Variants in TBCD observed in about 807,000 individuals in gnomAD.
The protein encoded by TBCD is tubulin-specific chaperone D.
In TBCD, 105 loss-of-function variants were observed where a neutral mutation model predicts 169.3. The ratio of observed to expected loss-of-function variants is 0.62; its 90% CI spans 0.53 to 0.73. TBCD has a LOEUF of 0.73. TBCD is among the 30% of genes least tolerant of loss of function. The pLI is 0.00. For missense variants in TBCD, 1,444 were observed against 1,600.1 expected (o/e 0.90, Z 1.66); for synonymous variants, 700 against 643.9 (o/e 1.09, Z -1.32).
intron 12 of TBCD, 78 bp downstream of exon 12, chr17:82,809,860 G>A (rs1235342481): frequency 1.5e-5 from 20 of 1,365,260 alleles, no homozygotes; most frequent in African/African-American, 2.9e-5. Context: ...ATCCTTTCAC[G>A]CTTGCTTTTC....
chr17:82,887,168 T>TGTGTGTGTGTGC, intron 15 of TBCD, among the ~76,000 whole-genome samples: 215 of 126,178 alleles, frequency 1.7e-3, no homozygotes, highest in African/African-American at 5.7e-3. Flanking sequence ...TGTGTGTGTG[T>TGTGTGTGTGTGC]GCGCGCGCGC....
Position 82,852,197 on chromosome 17 carries a change from A to G in TBCD, c.1319-18027A>G, listed in dbSNP as rs144644568. Among the ~76,000 whole-genome samples the G allele has an allele frequency of 8.2e-3, 1,115 of 136,712 alleles. 4 individuals are homozygous for G. Among genetic ancestry groups the G allele is most frequent in the Non-Finnish European group, 0.013 (819 of 64,686 alleles). 89.7% of individuals were successfully genotyped at this position (136,712 alleles called of 152,430 possible). ...CACCACAGATGGGTTCTCTGTGTCT[A>G]CCCATTCTGGACATTTCCTGTGAAT... On this transcript the variant is annotated intron_variant, in intron 13 of 38. Coordinates refer to ENST00000355528, the MANE Select transcript of TBCD (RefSeq NM_005993.5).
intron 6 of TBCD, among the ~76,000 whole-genome samples, chr17:82,780,264 C>G (rs1443192591): frequency 6.6e-6 from 1 of 152,224 alleles, no homozygotes; most frequent in African/African-American, 2.4e-5. Flanking sequence ...TCCGTCCTCT[C>G]TCTAACGAGG....
chr17:82,854,150 CTTGT>C (rs2056055129), intron 13 of TBCD, among the ~76,000 whole-genome samples: 1 of 152,208 alleles, frequency 6.6e-6, no homozygotes, highest in Non-Finnish European at 1.5e-5. Flanking sequence ...TTTAGTTCTT[CTTGT>C]TTAACATTAG....
intron 1 of TBCD, among the ~76,000 whole-genome samples, chr17:82,753,813 C>T (rs1378636700): frequency 1.3e-5 from 2 of 150,822 alleles, no homozygotes; most frequent in Non-Finnish European, 2.9e-5. Context: ...AGGGGAGTTG[C>T]CATGGAGAAG....
intron 14 of TBCD, among the ~76,000 whole-genome samples, chr17:82,883,856 A>G (rs1268587955): frequency 6.6e-6 from 1 of 152,112 alleles, no homozygotes; most frequent in African/African-American, 2.4e-5. Flanking sequence ...TTCTGCCCCC[A>G]GGCCCTGTCC....
At chr17:82,760,285 A>G (rs997874110) in intron 2 of TBCD, among the ~76,000 whole-genome samples, 5 of 152,194 alleles carry the variant, frequency 3.3e-5, no homozygotes, top group Non-Finnish European at 5.9e-5. Flanking sequence ...GAATTATTTT[A>G]TCACTCTCCA....
At chr17:82,853,330 T>TC (rs754990411) in intron 13 of TBCD, among the ~76,000 whole-genome samples, 10 of 152,088 alleles carry the variant, frequency 6.6e-5, no homozygotes, top group Non-Finnish European at 1.0e-4. Flanking sequence ...GCTTAAGCAG[T>TC]CCACCTGTCT....
rs554446353 is a variant in TBCD at position 82,910,754 on chromosome 17, C to T, written c.2007-1004C>T. ...CTAATTTTTGTATTTTTAGGAGAGA[C>T]GGGGTTTCACCATGTTGGCCAGGCT... On this transcript the variant is annotated intron_variant, in intron 22 of 38. Transcript: ENST00000355528. Among the ~76,000 whole-genome samples, 13 of 152,174 alleles carry T rather than the reference C, an allele frequency of 8.5e-5. No individual in the cohort carries two copies. In the South Asian group the frequency reaches 1.2e-3, roughly 15 times the overall value.
chr17:82,926,333 C>A, intron 27 of TBCD, 67 bp from the exon 28 acceptor site: 1 of 1,491,322 alleles, frequency 6.7e-7, no homozygotes, highest in Non-Finnish European at 9.3e-7. Flanking sequence ...GCCAACATTG[C>A]CACCTCCCTA....
At chr17:82,780,984 G>A (rs538905244) in intron 6 of TBCD, among the ~76,000 whole-genome samples, 9 of 152,050 alleles carry the variant, frequency 5.9e-5, no homozygotes, top group Non-Finnish European at 1.3e-4. Context: ...TGTGCTCAAG[G>A]TGTCCTGCGC....
intron 22 of TBCD, among the ~76,000 whole-genome samples, chr17:82,911,003 C>A (rs2060601731): frequency 1.3e-5 from 2 of 152,302 alleles, no homozygotes; most frequent in African/African-American, 4.8e-5. Context: ...CTGCTCCCAC[C>A]AGTTTCTGGC....
Position 82,884,105 on chromosome 17 carries a change from G to T in TBCD, c.1476-40G>T. ...GATACTGTGTGGTCTGTACTGTTTT[G>T]CAGAATTTCTTTTTAATTAATCCTT... is the stretch of plus-strand genomic sequence containing the variant. On this transcript the variant is annotated intron_variant, in intron 14 of 38. Transcript: ENST00000355528. This position sits in a 1 kb window ranked among gnomAD's most constrained non-coding sequence, Gnocchi z 4.2. 1 of 1,563,910 alleles carries T rather than the reference G, an allele frequency of 6.4e-7. No individual in the cohort carries two copies. Among genetic ancestry groups the T allele is most frequent in the Non-Finnish European group, 8.7e-7 (1 of 1,149,668 alleles).
intron 13 of TBCD, among the ~76,000 whole-genome samples, chr17:82,844,875 C>G (rs1250000332): frequency 5.3e-5 from 8 of 152,184 alleles, no homozygotes; most frequent in Non-Finnish European, 8.8e-5. Context: ...ATCACCTGCA[C>G]TGGTCCATTT....
chr17:82,756,669 G>A (rs1305020265), intron 2 of TBCD, among the ~76,000 whole-genome samples: 1 of 151,946 alleles, frequency 6.6e-6, no homozygotes, highest in Non-Finnish European at 1.5e-5. Flanking sequence ...TAGTAGAGAC[G>A]GGGTTTCACT....
chr17:82,928,862 T>G (rs1267458218), intron 30 of TBCD, among the ~76,000 whole-genome samples: 2 of 152,150 alleles, frequency 1.3e-5, no homozygotes, highest in Non-Finnish European at 2.9e-5. Context: ...AGCACATGTG[T>G]AACAAGTACG....
intron 6 of TBCD, among the ~76,000 whole-genome samples, chr17:82,778,170 C>T (rs1307444090): frequency 6.6e-6 from 1 of 152,170 alleles, no homozygotes; most frequent in Non-Finnish European, 1.5e-5. Flanking sequence ...TATATATAAT[C>T]ATATCTAAGA....
intron 6 of TBCD, among the ~76,000 whole-genome samples, chr17:82,776,859 T>C (rs1247727683): frequency 2.0e-5 from 3 of 152,136 alleles, no homozygotes; most frequent in East Asian, 1.9e-4. Flanking sequence ...CACCCCCAAA[T>C]TGGATTAAAC....
At chr17:82,859,885 A>G (rs2056617033) in intron 13 of TBCD, 5 of 985,290 alleles carry the variant, frequency 5.1e-6, no homozygotes, top group Non-Finnish European at 6.0e-6. Context: ...GGTTGGAGAC[A>G]GGGAGCAGGC....
Sources: allele counts gnomAD v4.1 joint callset (sites outside exome capture counted in the v4.1 genomes callset), GRCh38; gene constraint gnomAD v4.1.1; non-coding constraint Gnocchi (gnomAD v3.1); transcripts MANE v1.5; gene names NCBI Gene and HGNC (gene_info 2026-07-23, HGNC 2026-07-21).